ATP1A1: variants seen among roughly 807,000 people sequenced by gnomAD.
The protein encoded by ATP1A1 is sodium/potassium-transporting ATPase subunit alpha-1.
A neutral mutation model predicts 114.8 loss-of-function variants in ATP1A1; 14 were observed. The observed-to-expected ratio is 0.12, with a 90% CI of 0.08 to 0.19. ATP1A1 has a LOEUF of 0.19. Ranked by LOEUF, ATP1A1 falls within the 10% of genes least tolerant of loss-of-function variation. ATP1A1 has a pLI of 1.00. For missense variants in ATP1A1, 524 were observed against 1,290.7 expected (o/e 0.41, Z 9.10); for synonymous variants, 471 against 466.3 (o/e 1.01, Z -0.13).
rs1653047047 is a variant in ATP1A1, at chr1:116,397,704, AAT to A, written c.1974-179_1974-178del. ...TCATCATGAGCCTCAAATGAGATAA[AAT>A]ATATGAAAATGCTCTGTAACCTGTA... On this transcript the variant is annotated intron_variant, in intron 14 of 22. Transcript: ENST00000295598. This position sits in a 1 kb window ranked among gnomAD's most constrained non-coding sequence, Gnocchi z 4.2. Among the ~76,000 whole-genome samples, 1 of 152,228 alleles carries A rather than the reference AAT, an allele frequency of 6.6e-6. No homozygotes were observed. The highest frequency in any genetic ancestry group is 2.4e-5 in the African/African-American group (1 of 41,464).
rs1307585441 is a variant in ATP1A1, at chr1:116,398,295, C to A, written c.2124+257C>A. On this transcript the variant is annotated intron_variant, in intron 15 of 22. Coordinates refer to ENST00000295598, the MANE Select transcript of ATP1A1 (RefSeq NM_000701.8). This position sits in a 1 kb window ranked among gnomAD's most constrained non-coding sequence, Gnocchi z 6.1. ...TCCGTGGAGTCATCTGATATGGGGT[C>A]CTAGTATTTGCAATAGAGATGTGAG... Among the ~76,000 whole-genome samples the A allele has an allele frequency of 6.6e-6, 1 of 152,092 alleles. No homozygotes were observed. The highest frequency in any genetic ancestry group is 1.5e-5 in the Non-Finnish European group (1 of 68,034).
Position 116,387,214 on chromosome 1 carries a change from C to T in ATP1A1, c.184-74C>T. On this transcript the variant is annotated intron_variant, in intron 3 of 22. Transcript: ENST00000295598. The surrounding 1 kb of genome is among the most constrained non-coding windows in gnomAD (Gnocchi z 6.7). The stretch of plus-strand genomic sequence containing the variant: ...TTCCTTAAATCCTTATTGCAACCGT[C>T]CAGCTACCAGGTAGGTATATTGCCT... 6.5e-7 allele frequency: 1 copy of T among 1,543,162 alleles called. No homozygotes were observed. Among genetic ancestry groups the T allele is most frequent in the Non-Finnish European group, 8.9e-7 (1 of 1,124,982 alleles).
In ATP1A1 at chr1:116,373,331, A is replaced by T. The variant is rs1010250764; in HGVS notation, c.-181A>T. The T allele has an allele frequency of 5.8e-6, 3 of 517,108 alleles. No individual in the cohort carries two copies. Among genetic ancestry groups the T allele is most frequent in the African/African-American group, 2.0e-5 (1 of 49,436 alleles). 32.0% of individuals were successfully genotyped at this position (517,108 alleles called of 1,614,324 possible). On this transcript the variant is annotated 5_prime_UTR_variant, in exon 1 of 23. Coordinates refer to ENST00000295598, the MANE Select transcript of ATP1A1 (RefSeq NM_000701.8). ...CGGTAGCAGCCCGGGCGGCGGCAGC[A>T]ACAGCGGCGGCGGCATCGGCCCGAG...
chr1:116,379,436 A>G (rs1162580775), intron 1 of ATP1A1, among the ~76,000 whole-genome samples: 1 of 152,216 alleles, frequency 6.6e-6, no homozygotes, highest in Non-Finnish European at 1.5e-5. Flanking sequence ...CAGCCATGGT[A>G]CTATGACAGT....
intron 1 of ATP1A1, among the ~76,000 whole-genome samples, chr1:116,376,496 G>T (rs1239125713): frequency 6.6e-6 from 1 of 152,214 alleles, no homozygotes; most frequent in East Asian, 1.9e-4. Flanking sequence ...AAGAACTAGT[G>T]CCTAGAGCTG....
At chr1:116,390,945 A>G in intron 10 of ATP1A1, 54 bp downstream of exon 10, 6 of 1,486,294 alleles carry the variant, frequency 4.0e-6, no homozygotes, top group Non-Finnish European at 5.6e-6. Context: ...GAGAACTGCC[A>G]TTTGAGTGTT....
Position 116,404,617 on chromosome 1 carries a change from G to A in ATP1A1, c.*173G>A. 3 of 1,109,984 alleles carry A rather than the reference G, an allele frequency of 2.7e-6. No homozygotes were observed. The highest frequency in any genetic ancestry group is 1.6e-5 in the African/African-American group (1 of 60,760). The allele number at this position is 1,109,984 out of a possible 1,614,324, so 68.8% of individuals were successfully genotyped here. On this transcript the variant is annotated 3_prime_UTR_variant, in exon 23 of 23. Coordinates refer to ENST00000295598, the MANE Select transcript of ATP1A1 (RefSeq NM_000701.8). The surrounding 1 kb of genome is among the most constrained non-coding windows in gnomAD (Gnocchi z 4.8). Reference sequence around the variant, plus strand: ...GAAGCATGTAGCTCTATGGGGGGAGGGGGGAGGGCTGCCTGAAAACCATCC... The same window carrying A: ...GAAGCATGTAGCTCTATGGGGGGAGAGGGGAGGGCTGCCTGAAAACCATCC...
intron 1 of ATP1A1, chr1:116,382,434 C>T (rs759037582): frequency 3.3e-5 from 5 of 152,126 alleles, no homozygotes; most frequent in Non-Finnish European, 7.3e-5. Context: ...GAAAGAGGCA[C>T]CAACAAATGT....
chr1:116,398,136 C>G lies in ATP1A1; in HGVS notation c.2124+98C>G, dbSNP rs1008557955. On this transcript the variant is annotated intron_variant, in intron 15 of 22. Transcript: ENST00000295598. This position sits in a 1 kb window ranked among gnomAD's most constrained non-coding sequence, Gnocchi z 6.1. The stretch of plus-strand genomic sequence containing the variant: ...GCAACGGTGATGGATGGATGCATAC[C>G]TCGCTGTATTAGACTCAGTATAAAT... The G allele has an allele frequency of 2.4e-5, 35 of 1,486,248 alleles. No individual in the cohort carries two copies. The East Asian group carries it at 7.5e-4, about 32-fold the overall frequency. 92.1% of individuals were successfully genotyped at this position (1,486,248 alleles called of 1,614,324 possible). A position where few individuals can be genotyped will look rare whatever the true frequency, so the allele number is the denominator to read the frequency against.
rs1652817231 is a variant in ATP1A1 at position 116,395,320 on chromosome 1, A to G, written c.1836+35A>G. On this transcript the variant is annotated intron_variant, in intron 13 of 22. Coordinates refer to ENST00000295598, the MANE Select transcript of ATP1A1 (RefSeq NM_000701.8). This position sits in a 1 kb window ranked among gnomAD's most constrained non-coding sequence, Gnocchi z 6.4. ...AGGCGCCTCCTTGGCTTCATCTCTTAGTGCCTTGGGACACCCTACTCAGTG... is the reference window on the plus strand; with the variant it reads ...AGGCGCCTCCTTGGCTTCATCTCTTGGTGCCTTGGGACACCCTACTCAGTG... 1.2e-6 allele frequency: 2 copies of G among 1,608,782 alleles called. No individual in the cohort carries two copies. The highest frequency in any genetic ancestry group is 1.7e-6 in the Non-Finnish European group (2 of 1,177,544).
chr1:116,401,369 A>C lies in ATP1A1; in HGVS notation c.2849+109A>C. On this transcript the variant is annotated intron_variant, in intron 20 of 22. Transcript: ENST00000295598. The surrounding 1 kb of genome is among the most constrained non-coding windows in gnomAD (Gnocchi z 4.7). The stretch of plus-strand genomic sequence containing the variant: ...TGACACATATAGCCAGGTTTCTGGA[A>C]TCTCTAGTTTATAGAGCAAATTTAG... 1.3e-6 allele frequency: 2 copies of C among 1,561,754 alleles called. No homozygotes were observed. The highest frequency in any genetic ancestry group is 1.7e-6 in the Non-Finnish European group (2 of 1,148,106).
chr1:116,374,599 C>A (rs1163102416), intron 1 of ATP1A1, among the ~76,000 whole-genome samples: 1 of 152,186 alleles, frequency 6.6e-6, no homozygotes, highest in African/African-American at 2.4e-5. Context: ...CTTGATTACC[C>A]CTAGCTATTA....
rs778357393 is a variant in ATP1A1, at chr1:116,389,103, GT to G, written c.754+88del. 4.4e-5 allele frequency: 55 copies of G among 1,252,036 alleles called. No homozygotes were observed. The highest frequency in any genetic ancestry group is 5.9e-5 in the Non-Finnish European group (51 of 867,630). 77.6% of individuals were successfully genotyped at this position (1,252,036 alleles called of 1,614,324 possible). A position where few individuals can be genotyped will look rare whatever the true frequency, so the allele number is the denominator to read the frequency against. On this transcript the variant is annotated intron_variant, in intron 7 of 22. Coordinates refer to ENST00000295598, the MANE Select transcript of ATP1A1 (RefSeq NM_000701.8). The surrounding 1 kb of genome is among the most constrained non-coding windows in gnomAD (Gnocchi z 6.9). ...ATCAAAACCATAGGCACAATCTCTT[GT>G]TTTATTGGCTCCATTTCTGAGAACT...
At chr1:116,392,803 C>T in intron 10 of ATP1A1, 51 bp from the exon 11 acceptor site, 1 of 1,579,558 alleles carries the variant, frequency 6.3e-7, no homozygotes, top group Non-Finnish European at 8.6e-7. Context: ...TTTAGTGATG[C>T]CTCAGTGAAA....
intron 1 of ATP1A1, among the ~76,000 whole-genome samples, chr1:116,383,102 C>A (rs1269565215): frequency 6.6e-6 from 1 of 152,154 alleles, no homozygotes; most frequent in Non-Finnish European, 1.5e-5. Flanking sequence ...TCAACATTTT[C>A]TTTAAAAATT....
chr1:116,401,195 G>A lies in ATP1A1; in HGVS notation c.2784G>A (p.Val928=), dbSNP rs749010651. Residue 928 remains valine, a synonymous_variant, in exon 20 of 23, where the codon GTG becomes GTA. Transcript: ENST00000295598. This position sits in a 1 kb window ranked among gnomAD's most constrained non-coding sequence, Gnocchi z 4.7. The part of the protein sequence containing the change: ...CHTAFFVSIV[V]VQWADLVICK... ...CAGCCTTCTTCGTCAGTATCGTGGT[G>A]GTGCAGTGGGCCGACTTGGTCATCT... 5 of 1,614,090 alleles carry A rather than the reference G, an allele frequency of 3.1e-6. No homozygotes were observed. The highest frequency in any genetic ancestry group is 1.3e-5 in the African/African-American group (1 of 74,940).
intron 1 of ATP1A1, chr1:116,373,986 G>T: frequency 7.3e-7 from 1 of 1,377,296 alleles, no homozygotes; most frequent in African/African-American, 1.5e-5. Flanking sequence ...GAGGAAAGGC[G>T]CGCTCCTCCC....
rs1225144480 is a variant in ATP1A1 at position 116,393,646 on chromosome 1, A to G, written c.1583A>G (p.Gln528Arg). 6.2e-7 allele frequency: 1 copy of G among 1,614,216 alleles called. No individual in the cohort carries two copies. The highest frequency in any genetic ancestry group is 2.2e-5 in the East Asian group (1 of 44,878). Residue 528 changes from glutamine (Q) to arginine (R), a missense_variant, in exon 12 of 23, where the codon CAG becomes CGG. This residue lies in a region of ATP1A1 where 143 missense variants were observed against 259.3 expected (regional missense o/e 0.55). Transcript: ENST00000295598. This position sits in a 1 kb window ranked among gnomAD's most constrained non-coding sequence, Gnocchi z 5.0. Reference sequence around the variant, plus strand: ...TCTATCCTCCTCCACGGCAAGGAGCAGCCCCTGGATGAGGAGCTGAAAGAC... The same window carrying G: ...TCTATCCTCCTCCACGGCAAGGAGCGGCCCCTGGATGAGGAGCTGAAAGAC... ...CSSILLHGKE[Q>R]PLDEELKDAF... is the part of the protein sequence containing the mutation.
intron 1 of ATP1A1, chr1:116,373,760 G>T: frequency 3.4e-6 from 4 of 1,185,620 alleles, no homozygotes; most frequent in South Asian, 2.7e-5. Context: ...TTGCTTAGGG[G>T]GGTGGGCGGA....
Sources: allele counts gnomAD v4.1 joint callset (sites outside exome capture counted in the v4.1 genomes callset), GRCh38; gene constraint gnomAD v4.1.1; regional missense constraint gnomAD v4.1.1; non-coding constraint Gnocchi (gnomAD v3.1); transcripts MANE v1.5; gene names NCBI Gene and HGNC (gene_info 2026-07-23, HGNC 2026-07-21).